Variants in INPP5F observed in about 807,000 individuals in gnomAD.
The protein encoded by INPP5F is inositol polyphosphate-5-phosphatase F, also known as phosphatidylinositide 4-phosphatase SAC2.
INPP5F carries 97 observed loss-of-function variants against 137.2 expected under a neutral mutation model. The ratio of observed to expected loss-of-function variants is 0.71; its 90% confidence interval spans 0.60 to 0.84. The LOEUF (loss-of-function observed/expected upper bound fraction) is 0.84, where lower values mean the gene tolerates loss of function less well. INPP5F is among the 40% of genes least tolerant of loss of function. The pLI is 0.00. For missense variants in INPP5F, 1,271 were observed against 1,371.9 expected, an observed-to-expected ratio of 0.93 and a Z score of 1.16; for synonymous variants, 504 against 476.9, an observed-to-expected ratio of 1.06 and a Z score of -0.74.
chr10:119,818,591 G>T (rs1204023473), intron 15 of INPP5F: 1 of 152,396 alleles, frequency 6.6e-6, no homozygotes, highest in Non-Finnish European at 1.5e-5. Flanking sequence ...GCCCTCGTTG[G>T]TAGGCGTAGG....
At chr10:119,784,861 C>T (rs1480501463) in intron 3 of INPP5F, among the ~76,000 whole-genome samples, 2 of 152,186 alleles carry the variant, frequency 1.3e-5, no homozygotes, top group Non-Finnish European at 2.9e-5. Flanking sequence ...TCACTTCCTC[C>T]CAAACTCCAG....
At chr10:119,803,584 A>G (rs1339489372) in intron 9 of INPP5F, among the ~76,000 whole-genome samples, 1 of 152,144 alleles carries the variant, frequency 6.6e-6, no homozygotes, top group Admixed American at 6.5e-5. Context: ...TTTTATTATT[A>G]GCTTCCAAAT....
At position 119,823,046 on chromosome 10, in the gene INPP5F, T is replaced by C. The variant is rs779491374; in HGVS notation, c.2033-25T>C. 7 of 1,598,698 alleles carry C rather than the reference T, an allele frequency of 4.4e-6. No homozygotes were observed. The Admixed American group carries it at 7.1e-5, about 16-fold the overall frequency. On this transcript the variant is annotated intron_variant, in intron 17 of 19. Coordinates refer to ENST00000650623, the MANE Select transcript of INPP5F (RefSeq NM_014937.4). ...AAATGTTATGTGAAACATTTAACTT[T>C]ATACGTATTCATTTGGGATTTTAGG...
Position 119,787,566 on chromosome 10 carries a change from C to T in INPP5F, c.316-3951C>T, listed in dbSNP as rs978471747. Among the ~76,000 whole-genome samples, 5 of 146,466 alleles carry T rather than the reference C, an allele frequency of 3.4e-5. No homozygotes were observed. Among genetic ancestry groups the T allele is most frequent in the African/African-American group, 2.5e-5 (1 of 39,298 alleles). On this transcript the variant is annotated intron_variant, in intron 3 of 19. Transcript: ENST00000650623. This position sits in a 1 kb window ranked among gnomAD's most constrained non-coding sequence, Gnocchi z 4.1. The stretch of plus-strand genomic sequence containing the variant: ...GCACTCTAGCTTGGGTGACAGAGTG[C>T]GACTCTGTCTCAAAGAAGGAAAGAA...
chr10:119,807,816 C>A, intron 12 of INPP5F, 116 bp from the exon 13 acceptor site: 1 of 950,376 alleles, frequency 1.1e-6, no homozygotes, highest in Non-Finnish European at 1.5e-6. Flanking sequence ...AAGACCATTT[C>A]TCTTATTTAA....
At chr10:119,816,441 C>T (rs1403877151) in intron 15 of INPP5F, 3 of 152,180 alleles carry the variant, frequency 2.0e-5, no homozygotes, top group Admixed American at 2.0e-4. Context: ...CCTCTTTGTA[C>T]AGGCATGTCT....
intron 19 of INPP5F, among the ~76,000 whole-genome samples, chr10:119,824,941 T>C (rs1455051255): frequency 1.3e-5 from 2 of 152,260 alleles, no homozygotes; most frequent in East Asian, 3.8e-4. Context: ...TTTAAATAGA[T>C]GCCTCCTGTG....
At chr10:119,738,934 C>A (rs1848296710) in intron 1 of INPP5F, among the ~76,000 whole-genome samples, 2 of 151,798 alleles carry the variant, frequency 1.3e-5, no homozygotes, top group South Asian at 4.1e-4. Context: ...GTAATCCCAG[C>A]ATTTTGGGAG....
chr10:119,784,909 C>T (rs1849828622), intron 3 of INPP5F, among the ~76,000 whole-genome samples: 1 of 152,206 alleles, frequency 6.6e-6, no homozygotes, highest in African/African-American at 2.4e-5. Context: ...TCCTTTCTGT[C>T]TCTGTAAATA....
Position 119,827,664 on chromosome 10 carries a change from T to G in INPP5F, c.3283T>G (p.Phe1095Val). 6.2e-7 allele frequency: 1 copy of G among 1,614,120 alleles called. No individual in the cohort carries two copies. Among genetic ancestry groups the G allele is most frequent in the African/African-American group, 1.3e-5 (1 of 75,014 alleles). ...AGCTGGATTAACCCATGGGATAAAC[T>G]TTGCAGTGTCAAAAGTTCAGAAGAG... ...TQAGLTHGINFAVSKVQKSPP... is the reference protein window; with the variant it reads ...TQAGLTHGINVAVSKVQKSPP... Residue 1095 changes from phenylalanine (F) to valine (V), a missense_variant, in exon 20 of 20, where the codon TTT (phenylalanine) becomes GTT (valine). Phe to Val is a conservative substitution (Grantham distance 50). Coordinates refer to ENST00000650623, the MANE Select transcript of INPP5F (RefSeq NM_014937.4).
intron 2 of INPP5F, among the ~76,000 whole-genome samples, chr10:119,774,986 A>C (rs544439485): frequency 9.2e-6 from 1 of 109,262 alleles, no homozygotes; most frequent in Admixed American, 8.6e-5. Flanking sequence ...AGTCTAACAC[A>C]TAGATCAAAA....
intron 1 of INPP5F, among the ~76,000 whole-genome samples, chr10:119,737,869 G>A (rs1172748727): frequency 6.6e-6 from 1 of 151,928 alleles, no homozygotes; most frequent in Non-Finnish European, 1.5e-5. Context: ...ATGAAATATG[G>A]GTCTGATTAT....
At chr10:119,823,344 T>C in intron 18 of INPP5F, 145 bp downstream of exon 18, 1 of 711,874 alleles carries the variant, frequency 1.4e-6, no homozygotes, top group Non-Finnish European at 2.2e-6. Context: ...GACCTTGAAA[T>C]AGCAACTCTG....
Position 119,751,137 on chromosome 10 carries a change from GA to G in INPP5F, c.163del (p.Ile55PhefsTer13). The G allele has an allele frequency of 1.2e-6, 2 of 1,607,164 alleles. No homozygotes were observed. The highest frequency in any genetic ancestry group is 1.7e-6 in the Non-Finnish European group (2 of 1,173,634). ...TGGGGTTGGTAGAAGGTGTTATTGG[GA>G]AAATTCAACTTCATTCAGGTATGTT... is the stretch of plus-strand genomic sequence containing the variant. The part of the protein sequence containing the change: ...CLGLVEGVIG[K>X]IQLHSDLPWW... On this transcript the variant is annotated frameshift_variant, in exon 2 of 20. Coordinates refer to ENST00000650623, the MANE Select transcript of INPP5F (RefSeq NM_014937.4). LOFTEE classifies it high-confidence loss of function.
intron 1 of INPP5F, among the ~76,000 whole-genome samples, chr10:119,739,944 T>C (rs964719364): frequency 5.3e-5 from 8 of 152,214 alleles, no homozygotes; most frequent in Admixed American, 5.2e-4. Context: ...CATTGGTTAG[T>C]TGAAACTGTT....
intron 1 of INPP5F, among the ~76,000 whole-genome samples, chr10:119,729,057 G>A (rs1589654776): frequency 6.6e-6 from 1 of 151,662 alleles, no homozygotes; most frequent in Non-Finnish European, 1.5e-5. Context: ...TTAAGTCTAA[G>A]TTCTCTCTCA....
At chr10:119,766,630 AT>A (rs919214565) in intron 2 of INPP5F, among the ~76,000 whole-genome samples, 1 of 152,248 alleles carries the variant, frequency 6.6e-6, no homozygotes. Flanking sequence ...AAAGAAAAAA[AT>A]ACACATTAAA....
At chr10:119,813,313 A>G (rs1163256678) in intron 15 of INPP5F, among the ~76,000 whole-genome samples, 4 of 152,212 alleles carry the variant, frequency 2.6e-5, no homozygotes, top group African/African-American at 9.6e-5. Context: ...CCTCTTGCAA[A>G]GATTCATAAA....
chr10:119,800,945 C>G (rs1723525793), intron 9 of INPP5F, among the ~76,000 whole-genome samples: 1 of 41,862 alleles, frequency 2.4e-5, no homozygotes, highest in Non-Finnish European at 5.2e-5. Flanking sequence ...AACACTCTGT[C>G]TCAAAAAAAA....
Sources: allele counts gnomAD v4.1 joint callset (sites outside exome capture counted in the v4.1 genomes callset), GRCh38; gene constraint gnomAD v4.1.1; non-coding constraint Gnocchi (gnomAD v3.1); transcripts MANE v1.5; gene names NCBI Gene and HGNC (gene_info 2026-07-23, HGNC 2026-07-21).